KLRG2: variants seen among roughly 807,000 people sequenced by gnomAD.
KLRG2 encodes the protein killer cell lectin-like receptor subfamily G member 2.
KLRG2 carries 39 observed loss-of-function variants against 35.4 expected under a neutral mutation model. The ratio of observed to expected loss-of-function variants is 1.10; its 90% CI spans 0.85 to 1.44. The LOEUF (loss-of-function observed/expected upper bound fraction) is 1.44. KLRG2 is among the 40% of genes most tolerant of loss of function. The pLI, the probability that KLRG2 is intolerant of heterozygous loss-of-function variation, is 0.00. For synonymous variants in KLRG2, 283 were observed against 265.8 expected, an observed-to-expected ratio of 1.06 and a Z score of -0.63; for missense variants, 632 against 570.9, an observed-to-expected ratio of 1.11 and a Z score of -1.09.
the KLRG2 span, among the ~76,000 whole-genome samples, chr7:139,429,181 C>G: frequency 6.6e-6 from 1 of 152,128 alleles, no homozygotes; most frequent in East Asian, 1.9e-4. Flanking sequence ...TGGCGCGCAC[C>G]TGTAATTGCA....
the KLRG2 span, among the ~76,000 whole-genome samples, chr7:139,436,062 C>T: frequency 1.3e-5 from 2 of 152,002 alleles, no homozygotes; most frequent in African/African-American, 4.8e-5. Context: ...CCACCATACC[C>T]GGCTAATTTG....
intron 3 of KLRG2, among the ~76,000 whole-genome samples, chr7:139,464,167 C>T (rs1796613393): frequency 1.3e-5 from 2 of 152,106 alleles, no homozygotes; most frequent in African/African-American, 4.8e-5. Context: ...CTTGTATCTC[C>T]CCACCTTAAT....
At chr7:139,455,613 G>A (rs569624938) in intron 3 of KLRG2, among the ~76,000 whole-genome samples, 5 of 151,002 alleles carry the variant, frequency 3.3e-5, no homozygotes, top group East Asian at 3.9e-4. Context: ...GAGCCACCGC[G>A]CCCGGCCAAG....
intron 3 of KLRG2, 81 bp downstream of exon 3, chr7:139,479,546 A>C: frequency 7.2e-7 from 1 of 1,382,494 alleles, no homozygotes; most frequent in South Asian, 1.3e-5. Context: ...GCTGGACTCA[A>C]TCATTAAGCT....
chr7:139,477,407 G>A (rs542369021), intron 3 of KLRG2, among the ~76,000 whole-genome samples: 49 of 152,290 alleles, frequency 3.2e-4, no homozygotes, highest in South Asian at 6.2e-4. Context: ...TAAAAAGGAA[G>A]GGAATTCTCA....
the KLRG2 span, among the ~76,000 whole-genome samples, chr7:139,436,110 C>T: frequency 2.0e-5 from 3 of 152,030 alleles, no homozygotes; most frequent in South Asian, 6.2e-4. Context: ...ACCATGTTGG[C>T]CAGGCTGGTC....
the KLRG2 span, among the ~76,000 whole-genome samples, chr7:139,440,795 T>A: frequency 6.6e-6 from 1 of 152,190 alleles, no homozygotes; most frequent in Non-Finnish European, 1.5e-5. Context: ...TTCACATTAA[T>A]AAGTATTGGG....
intron 3 of KLRG2, among the ~76,000 whole-genome samples, chr7:139,460,635 C>T (rs958024961): frequency 6.6e-6 from 1 of 151,814 alleles, no homozygotes; most frequent in Non-Finnish European, 1.5e-5. Flanking sequence ...TGCACTCCAG[C>T]CTGGGGAACA....
intron 3 of KLRG2, among the ~76,000 whole-genome samples, chr7:139,455,321 ATTT>A (rs557794592): frequency 2.4e-5 from 3 of 122,560 alleles, no homozygotes; most frequent in Admixed American, 8.8e-5. Flanking sequence ...CCCGGCCAAG[ATTT>A]TTTTTTTTTT....
At chr7:139,467,546 G>A (rs903580210) in intron 3 of KLRG2, among the ~76,000 whole-genome samples, 1 of 152,038 alleles carries the variant, frequency 6.6e-6, no homozygotes, top group Non-Finnish European at 1.5e-5. Flanking sequence ...CCCCAACGCC[G>A]TGCTCTCTGA....
At chr7:139,457,746 C>A (rs1796501713) in intron 3 of KLRG2, among the ~76,000 whole-genome samples, 1 of 152,152 alleles carries the variant, frequency 6.6e-6, no homozygotes, top group Non-Finnish European at 1.5e-5. Context: ...TCCCCCGAGC[C>A]CCAGCCCCGC....
chr7:139,445,781 G>GTATATATATATATATATA, the KLRG2 span, among the ~76,000 whole-genome samples: 3 of 98,488 alleles, frequency 3.0e-5, no homozygotes, highest in African/African-American at 1.5e-4. Context: ...ATATATATAT[G>GTATATATATATATATATA]TATATATATA....
At chr7:139,469,133 C>G (rs1796715217) in intron 3 of KLRG2, among the ~76,000 whole-genome samples, 1 of 152,300 alleles carries the variant, frequency 6.6e-6, no homozygotes, top group South Asian at 2.1e-4. Flanking sequence ...GCTATAGCAG[C>G]CCCAGTAAAC....
At chr7:139,457,567 T>C (rs767209692) in intron 3 of KLRG2, among the ~76,000 whole-genome samples, 12 of 152,182 alleles carry the variant, frequency 7.9e-5, no homozygotes, top group Non-Finnish European at 1.5e-4. Context: ...CCATGTCCTC[T>C]CGCGTCTGAC....
downstream of KLRG2, among the ~76,000 whole-genome samples, chr7:139,452,538 G>A (rs192744136): frequency 6.6e-6 from 1 of 152,248 alleles, no homozygotes; most frequent in East Asian, 1.9e-4. Flanking sequence ...TGGTTCAAAC[G>A]CACCAATAAG....
the KLRG2 span, among the ~76,000 whole-genome samples, chr7:139,429,720 CAGA>C: frequency 2.0e-5 from 3 of 152,194 alleles, no homozygotes; most frequent in African/African-American, 7.2e-5. Context: ...GATCCCAAGG[CAGA>C]AGAATTGTTC....
intron 3 of KLRG2, among the ~76,000 whole-genome samples, chr7:139,467,289 A>G (rs11970937): frequency 0.13 from 19,649 of 152,166 alleles, 1,392 homozygotes; most frequent in African/African-American, 0.18. Context: ...GAAGACAAGA[A>G]TGTCAGGCCT....
chr7:139,457,844 G>C (rs2116433236), intron 3 of KLRG2, among the ~76,000 whole-genome samples: 1 of 152,026 alleles, frequency 6.6e-6, no homozygotes, highest in African/African-American at 2.4e-5. Context: ...GTGTAGGGAA[G>C]GCATTGTTCA....
At chr7:139,440,132 C>A in the KLRG2 span, among the ~76,000 whole-genome samples, 1 of 152,148 alleles carries the variant, frequency 6.6e-6, no homozygotes, top group African/African-American at 2.4e-5. Context: ...ATTTTAAAGA[C>A]AGAGTCTTGC....
Sources: allele counts gnomAD v4.1 joint callset (sites outside exome capture counted in the v4.1 genomes callset), GRCh38; gene constraint gnomAD v4.1.1; transcripts MANE v1.5; gene names NCBI Gene and HGNC (gene_info 2026-07-23, HGNC 2026-07-21).